Variants in UTRN observed in about 807,000 individuals in gnomAD.
UTRN encodes the protein utrophin, also known as dystrophin-related protein 1.
A neutral mutation model predicts 463.9 loss-of-function variants in UTRN; 283 were observed. That is an observed-to-expected ratio of 0.61 (90% CI 0.55 to 0.67). The LOEUF (loss-of-function observed/expected upper bound fraction) is 0.67, where lower values mean the gene tolerates loss of function less well. Among genes scored for constraint, UTRN ranks in the 30% least tolerant of loss-of-function variants. The pLI, the probability that UTRN is intolerant of heterozygous loss-of-function variation, is 0.00. For missense variants in UTRN, 3,922 were observed against 4,084.3 expected (o/e 0.96, Z 1.08); for synonymous variants, 1,442 against 1,431.5 (o/e 1.01, Z -0.17).
At chr6:144,580,531 T>A (rs1243035417) in intron 51 of UTRN, among the ~76,000 whole-genome samples, 1 of 151,214 alleles carries the variant, frequency 6.6e-6, no homozygotes, top group Non-Finnish European at 1.5e-5. Context: ...ATGCCATTCT[T>A]TTAAGGATGG....
At chr6:144,727,112 A>C (rs1458984460) in intron 53 of UTRN, among the ~76,000 whole-genome samples, 1 of 152,176 alleles carries the variant, frequency 6.6e-6, no homozygotes, top group Non-Finnish European at 1.5e-5. Context: ...TTTCTCCAAC[A>C]AAAGATCTGG....
intron 63 of UTRN, among the ~76,000 whole-genome samples, chr6:144,796,683 G>A (rs1213436107): frequency 6.6e-6 from 1 of 151,948 alleles, no homozygotes; most frequent in Non-Finnish European, 1.5e-5. Flanking sequence ...TACTACTGAT[G>A]TTATACATAT....
intron 45 of UTRN, among the ~76,000 whole-genome samples, chr6:144,540,745 C>T (rs1176838821): frequency 6.6e-6 from 1 of 152,074 alleles, no homozygotes; most frequent in African/African-American, 2.4e-5. Flanking sequence ...CAAAAAGAAA[C>T]AAAGAAAACC....
At chr6:144,736,992 C>T (rs997562131) in intron 54 of UTRN, among the ~76,000 whole-genome samples, 1 of 152,186 alleles carries the variant, frequency 6.6e-6, no homozygotes, top group African/African-American at 2.4e-5. Context: ...TTCCTGGACG[C>T]TTTCCCTTCC....
Position 144,333,905 on chromosome 6 carries a change from C to T in UTRN, c.79+41998C>T, listed in dbSNP as rs115185025. On this transcript the variant is annotated intron_variant, in intron 2 of 74. Transcript: ENST00000367545. ...CAGTAAATATCTCATTTTATTCATT[C>T]GTTCAGTAAATATTTATCCACCCAC... Among the ~76,000 whole-genome samples the T allele has an allele frequency of 4.7e-3, 722 of 152,178 alleles. 4 individuals carry two copies. The highest frequency in any genetic ancestry group is 0.016 in the African/African-American group (682 of 41,512).
At chr6:144,444,232 ACT>A (rs780499243) in intron 13 of UTRN, 47 bp from the exon 14 acceptor site, 4 of 1,407,130 alleles carry the variant, frequency 2.8e-6, no homozygotes, top group South Asian at 1.3e-5. Context: ...GATTGTGATA[ACT>A]CTCTCTTAAG....
intron 2 of UTRN, among the ~76,000 whole-genome samples, chr6:144,343,409 C>CACACACACACACAA (rs1554220421): frequency 7.1e-6 from 1 of 141,492 alleles, no homozygotes; most frequent in African/African-American, 2.7e-5. Context: ...CACACACACA[C>CACACACACACACAA]AATAGCCGGG....
chr6:144,488,107 G>GAA (rs1310816042), intron 29 of UTRN, among the ~76,000 whole-genome samples: 6 of 152,120 alleles, frequency 3.9e-5, no homozygotes, highest in Non-Finnish European at 8.8e-5. Context: ...ATTAGAGAAA[G>GAA]AACATTTCTT....
chr6:144,711,842 A>G (rs1312680611), intron 53 of UTRN, among the ~76,000 whole-genome samples: 1 of 152,234 alleles, frequency 6.6e-6, no homozygotes, highest in African/African-American at 2.4e-5. Context: ...GCTTTATTAT[A>G]TAAGACTCAG....
intron 18 of UTRN, among the ~76,000 whole-genome samples, chr6:144,452,286 T>G (rs1341679706): frequency 3.3e-5 from 5 of 152,214 alleles, no homozygotes; most frequent in Non-Finnish European, 5.9e-5. Context: ...GTAAACTTTG[T>G]GAAAATCAAA....
intron 51 of UTRN, among the ~76,000 whole-genome samples, chr6:144,671,743 A>G (rs1781060017): frequency 6.6e-6 from 1 of 152,066 alleles, no homozygotes; most frequent in Non-Finnish European, 1.5e-5. Context: ...TCCATTTCTC[A>G]GGGGGAATGC....
At chr6:144,587,580 GTA>G (rs1243251285) in intron 51 of UTRN, among the ~76,000 whole-genome samples, 1 of 152,178 alleles carries the variant, frequency 6.6e-6, no homozygotes, top group East Asian at 1.9e-4. Context: ...TTAAGGTTGA[GTA>G]TGTGGTTTTT....
chr6:144,683,612 C>G (rs976374402), intron 52 of UTRN, among the ~76,000 whole-genome samples: 2 of 152,156 alleles, frequency 1.3e-5, no homozygotes, highest in African/African-American at 4.8e-5. Flanking sequence ...ACACATTCTC[C>G]TATGTCTCAA....
intron 51 of UTRN, among the ~76,000 whole-genome samples, chr6:144,593,618 A>G (rs1803343610): frequency 6.6e-6 from 1 of 152,184 alleles, no homozygotes; most frequent in African/African-American, 2.4e-5. Context: ...GCCCAATTCC[A>G]AGAACTCAGC....
At chr6:144,790,203 A>G (rs1586584619) in intron 62 of UTRN, among the ~76,000 whole-genome samples, 2 of 152,334 alleles carry the variant, frequency 1.3e-5, no homozygotes, top group South Asian at 2.1e-4. Flanking sequence ...CTTAACTACT[A>G]TCACATATCT....
chr6:144,441,084 G>A (rs956383655), intron 13 of UTRN, among the ~76,000 whole-genome samples: 4 of 152,174 alleles, frequency 2.6e-5, no homozygotes, highest in Non-Finnish European at 4.4e-5. Flanking sequence ...AGACTTGGAT[G>A]GGGACACAAG....
intron 53 of UTRN, among the ~76,000 whole-genome samples, chr6:144,702,986 T>C (rs4895650): frequency 0.64 from 97,191 of 152,034 alleles, 34,341 homozygotes; most frequent in East Asian, 0.95. Flanking sequence ...TCTAATATTA[T>C]GTAATAATAT....
intron 2 of UTRN, among the ~76,000 whole-genome samples, chr6:144,355,254 C>A (rs1778447896): frequency 6.6e-6 from 1 of 152,130 alleles, no homozygotes; most frequent in Admixed American, 6.5e-5. Context: ...GTCACCTTGG[C>A]TGGAGTGTAG....
chr6:144,581,729 A>G (rs6917268), intron 51 of UTRN, among the ~76,000 whole-genome samples: 31,525 of 152,012 alleles, frequency 0.21, 3,436 homozygotes, highest in South Asian at 0.31. Flanking sequence ...CATTCATTTA[A>G]ATTTTACAAT....
Sources: allele counts gnomAD v4.1 joint callset (sites outside exome capture counted in the v4.1 genomes callset), GRCh38; gene constraint gnomAD v4.1.1; transcripts MANE v1.5; gene names NCBI Gene and HGNC (gene_info 2026-07-23, HGNC 2026-07-21).